PDE4B: variants seen among roughly 807,000 people sequenced by gnomAD.
PDE4B encodes phosphodiesterase 4B, also known as 3',5'-cyclic-AMP phosphodiesterase 4B.
Under a neutral mutation model 82.2 loss-of-function variants are expected in PDE4B, and 20 were observed. The observed-to-expected ratio is 0.24, with a 90% CI of 0.17 to 0.35. The LOEUF (loss-of-function observed/expected upper bound fraction) is 0.35. PDE4B is among the 10% of genes least tolerant of loss of function. The pLI is 1.00. For missense variants in PDE4B, 655 were observed against 907.2 expected (o/e 0.72, Z 3.57); for synonymous variants, 320 against 318.9 (o/e 1.00, Z -0.04).
Position 66,195,824 on chromosome 1 carries a change from C to A in PDE4B, c.282-51636C>A, listed in dbSNP as rs145379613. Reference sequence around the variant, plus strand: ...GCTAGTATGTCCAATGTATATGAGACCCCTGCAAGAAGCAGCAAAAACTAT... The same window carrying A: ...GCTAGTATGTCCAATGTATATGAGAACCCTGCAAGAAGCAGCAAAAACTAT... On this transcript the variant is annotated intron_variant, in intron 3 of 16. Coordinates refer to ENST00000341517, the MANE Select transcript of PDE4B (RefSeq NM_002600.4). 7.8e-4 allele frequency among the ~76,000 whole-genome samples: 118 copies of A among 152,206 alleles called. 2 individuals carry two copies. In the East Asian group the frequency reaches 0.021, roughly 27 times the overall value.
intron 3 of PDE4B, among the ~76,000 whole-genome samples, chr1:66,007,513 T>C (rs1652218048): frequency 2.0e-5 from 3 of 152,124 alleles, no homozygotes; most frequent in South Asian, 2.1e-4. Flanking sequence ...CTCCCACTGC[T>C]ACCAGGTGGA....
intron 3 of PDE4B, among the ~76,000 whole-genome samples, chr1:66,078,683 A>G (rs547629961): frequency 6.6e-6 from 1 of 152,312 alleles, no homozygotes; most frequent in Admixed American, 6.5e-5. Context: ...TTTAAAAATC[A>G]TGACAGCTTC....
intron 3 of PDE4B, among the ~76,000 whole-genome samples, chr1:66,118,960 A>G (rs776271001): frequency 6.6e-6 from 1 of 152,114 alleles, no homozygotes; most frequent in Non-Finnish European, 1.5e-5. Flanking sequence ...GGAACAGCTA[A>G]TGTCATCTCT....
intron 3 of PDE4B, among the ~76,000 whole-genome samples, chr1:66,203,219 T>G (rs1649180419): frequency 6.6e-6 from 1 of 152,204 alleles, no homozygotes; most frequent in South Asian, 2.1e-4. Flanking sequence ...AGAGATCTGC[T>G]GTTACTCTGA....
At chr1:66,108,407 T>C (rs2503164) in intron 3 of PDE4B, among the ~76,000 whole-genome samples, 151,753 of 152,180 alleles carry the variant, frequency 1, 75,665 homozygotes, top group Middle Eastern at 1. Flanking sequence ...CTGGATATGA[T>C]CCAAAAAGCA....
chr1:66,294,260 T>C (rs1036780675), intron 7 of PDE4B, among the ~76,000 whole-genome samples: 2 of 152,238 alleles, frequency 1.3e-5, no homozygotes, highest in African/African-American at 2.4e-5. Flanking sequence ...CTCAACAAAG[T>C]TGGTGTTTTT....
intron 7 of PDE4B, among the ~76,000 whole-genome samples, chr1:66,271,519 C>A (rs1052491920): frequency 6.6e-6 from 1 of 152,160 alleles, no homozygotes; most frequent in African/African-American, 2.4e-5. Flanking sequence ...GATACAGACA[C>A]GTTTTTTACA....
chr1:66,117,256 G>C (rs751870239), intron 3 of PDE4B, among the ~76,000 whole-genome samples: 1 of 150,482 alleles, frequency 6.6e-6, no homozygotes, highest in Non-Finnish European at 1.5e-5. Context: ...CTAGTTGCCA[G>C]AAAAAAAAAG....
chr1:66,110,038 C>T (rs1359354322), intron 3 of PDE4B, among the ~76,000 whole-genome samples: 2 of 151,868 alleles, frequency 1.3e-5, no homozygotes, highest in African/African-American at 4.8e-5. Flanking sequence ...AATCAAAATG[C>T]TAGCCTTAAT....
chr1:66,100,617 A>G (rs1645202919), intron 3 of PDE4B, among the ~76,000 whole-genome samples: 1 of 152,094 alleles, frequency 6.6e-6, no homozygotes, highest in Admixed American at 6.6e-5. Flanking sequence ...GCTGTGTTTG[A>G]ACTCATGAAA....
At chr1:66,011,477 A>C (rs1652483709) in intron 3 of PDE4B, among the ~76,000 whole-genome samples, 1 of 152,112 alleles carries the variant, frequency 6.6e-6, no homozygotes, top group Non-Finnish European at 1.5e-5. Flanking sequence ...CAGCAAGGCT[A>C]GTGAAACAAG....
chr1:65,890,226 A>G (rs182046356), intron 1 of PDE4B, among the ~76,000 whole-genome samples: 28 of 152,004 alleles, frequency 1.8e-4, no homozygotes, highest in Non-Finnish European at 5.9e-5. Flanking sequence ...GAAATTTAAG[A>G]TAATTTGCCT....
chr1:66,194,611 T>G (rs1648118739), intron 3 of PDE4B, among the ~76,000 whole-genome samples: 1 of 152,150 alleles, frequency 6.6e-6, no homozygotes, highest in Non-Finnish European at 1.5e-5. Context: ...AAATAAGTTT[T>G]GGTATCAAAC....
chr1:65,801,352 T>C (rs973824126), intron 1 of PDE4B, among the ~76,000 whole-genome samples: 2 of 152,222 alleles, frequency 1.3e-5, no homozygotes, highest in Non-Finnish European at 2.9e-5. Flanking sequence ...CACTATTTTG[T>C]TAGATTATTT....
At chr1:66,327,856 C>G (rs1411301405) in intron 7 of PDE4B, among the ~76,000 whole-genome samples, 1 of 152,188 alleles carries the variant, frequency 6.6e-6, no homozygotes, top group Admixed American at 6.5e-5. Flanking sequence ...GGGTAAGATG[C>G]AACTTTAAAT....
At chr1:66,207,882 A>G (rs1649685526) in intron 3 of PDE4B, among the ~76,000 whole-genome samples, 2 of 152,222 alleles carry the variant, frequency 1.3e-5, no homozygotes, top group African/African-American at 4.8e-5. Context: ...TCAGAATTGC[A>G]GAAAGAACCG....
intron 6 of PDE4B, among the ~76,000 whole-genome samples, chr1:66,264,605 C>T (rs953576631): frequency 1.3e-5 from 2 of 152,226 alleles, no homozygotes; most frequent in East Asian, 3.9e-4. Flanking sequence ...TTTAAAAGTA[C>T]CCTGCCTAAG....
intron 3 of PDE4B, among the ~76,000 whole-genome samples, chr1:66,151,790 C>A (rs1343112488): frequency 6.6e-6 from 1 of 152,188 alleles, no homozygotes; most frequent in Non-Finnish European, 1.5e-5. Flanking sequence ...TTCCGATCTT[C>A]CAGAGTGCCT....
At chr1:66,130,775 G>A (rs1051539771) in intron 3 of PDE4B, among the ~76,000 whole-genome samples, 1 of 152,170 alleles carries the variant, frequency 6.6e-6, no homozygotes, top group Non-Finnish European at 1.5e-5. Flanking sequence ...TGAGGCCCCT[G>A]TTGCAACAGA....
Sources: allele counts gnomAD v4.1 joint callset (sites outside exome capture counted in the v4.1 genomes callset), GRCh38; gene constraint gnomAD v4.1.1; transcripts MANE v1.5; gene names NCBI Gene and HGNC (gene_info 2026-07-23, HGNC 2026-07-21).